The following SPOCK1 variants were observed in gnomAD, a reference collection of about 807,000 sequenced individuals.
SPOCK1 encodes testican-1.
Under a neutral mutation model 55.3 loss-of-function variants are expected in SPOCK1, and 23 were observed. The ratio of observed to expected loss-of-function variants is 0.42; its 90% confidence interval spans 0.30 to 0.59. The LOEUF is 0.59. Ranked by LOEUF, SPOCK1 falls within the 20% of genes least tolerant of loss-of-function variation. SPOCK1 has a pLI of 0.22. For synonymous variants in SPOCK1, 226 were observed against 221.0 expected, an observed-to-expected ratio of 1.02 and a Z score of -0.20; for missense variants, 499 against 552.5, an observed-to-expected ratio of 0.90 and a Z score of 0.97.
At chr5:137,113,993 G>C (rs1037873370) in intron 4 of SPOCK1, among the ~76,000 whole-genome samples, 1 of 152,172 alleles carries the variant, frequency 6.6e-6, no homozygotes. Context: ...CGTTAATTTG[G>C]TTCTTATTCT....
At chr5:137,061,236 A>G (rs996862718) in intron 6 of SPOCK1, among the ~76,000 whole-genome samples, 5 of 152,160 alleles carry the variant, frequency 3.3e-5, no homozygotes, top group Admixed American at 3.3e-4. Context: ...CTGCAGCAGG[A>G]TTCTTTCAGG....
At chr5:137,383,600 G>A (rs1297894284) in intron 2 of SPOCK1, among the ~76,000 whole-genome samples, 1 of 152,228 alleles carries the variant, frequency 6.6e-6, no homozygotes, top group Non-Finnish European at 1.5e-5. Context: ...GCTGCAGTGA[G>A]ATAAACCAAG....
rs1268904039 is a variant in SPOCK1, at chr5:137,122,253, A to ACG, written c.348-9693_348-9692insCG. Among the ~76,000 whole-genome samples the ACG allele has an allele frequency of 4.0e-3, 444 of 112,096 alleles. 1 individual carries two copies. Among genetic ancestry groups the ACG allele is most frequent in the African/African-American group, 0.018 (409 of 23,200 alleles). The allele number at this position is 112,096 out of a possible 152,430, so 73.5% of individuals were successfully genotyped here. On this transcript the variant is annotated intron_variant, in intron 4 of 10. Coordinates refer to ENST00000394945, the MANE Select transcript of SPOCK1 (RefSeq NM_004598.4). ...CAAAAGCAGTTATACACACACACAC[A>ACG]CACGCACACACACACACACACACAC...
intron 2 of SPOCK1, among the ~76,000 whole-genome samples, chr5:137,475,288 A>AC (rs1753814195): frequency 6.6e-6 from 1 of 151,044 alleles, no homozygotes; most frequent in African/African-American, 2.4e-5. Context: ...ATCCAGAAGG[A>AC]CCCCCCTCGC....
intron 2 of SPOCK1, among the ~76,000 whole-genome samples, chr5:137,428,282 A>G (rs1752675797): frequency 6.6e-6 from 1 of 152,212 alleles, no homozygotes; most frequent in African/African-American, 2.4e-5. Flanking sequence ...ACCTTCATTC[A>G]GCCTTTTAAC....
At chr5:137,394,778 G>A (rs1390932492) in intron 2 of SPOCK1, among the ~76,000 whole-genome samples, 1 of 152,194 alleles carries the variant, frequency 6.6e-6, no homozygotes, top group Non-Finnish European at 1.5e-5. Flanking sequence ...AGTGTAATAG[G>A]GTTTTAAGAT....
rs1297925650 is a variant in SPOCK1, at chr5:137,041,393, A to G, written c.589+26322T>C. Reference sequence around the variant, plus strand: ...AAAACATCTAGAAGAAAACATGGGGAAAAAAATCTATGTGATCTTGAGTTT... The same window carrying G: ...AAAACATCTAGAAGAAAACATGGGGGAAAAAATCTATGTGATCTTGAGTTT... On this transcript the variant is annotated intron_variant, in intron 6 of 10. Coordinates refer to ENST00000394945, the MANE Select transcript of SPOCK1 (RefSeq NM_004598.4). Among the ~76,000 whole-genome samples, 12 of 152,312 alleles carry G rather than the reference A, an allele frequency of 7.9e-5. 1 individual carries two copies. In the Middle Eastern group the frequency reaches 0.02, roughly 259 times the overall value.
chr5:137,238,660 A>T (rs1756228988), intron 3 of SPOCK1, among the ~76,000 whole-genome samples: 1 of 152,262 alleles, frequency 6.6e-6, no homozygotes, highest in Non-Finnish European at 1.5e-5. Flanking sequence ...TAATCATTCC[A>T]AAGACACTGA....
intron 6 of SPOCK1, among the ~76,000 whole-genome samples, chr5:136,994,815 G>C (rs1751011734): frequency 6.6e-6 from 1 of 151,892 alleles, no homozygotes; most frequent in African/African-American, 2.4e-5. Context: ...AGACCAGCCT[G>C]GCCAACATGG....
chr5:137,303,438 T>A (rs538605230), intron 2 of SPOCK1, among the ~76,000 whole-genome samples: 1 of 152,124 alleles, frequency 6.6e-6, no homozygotes, highest in Non-Finnish European at 1.5e-5. Context: ...CAGAGCTCAG[T>A]GAAGATAAGT....
intron 5 of SPOCK1, among the ~76,000 whole-genome samples, chr5:137,076,499 C>T (rs1752763888): frequency 6.6e-6 from 1 of 151,292 alleles, no homozygotes; most frequent in Non-Finnish European, 1.5e-5. Context: ...TCAGTGTACT[C>T]AGAACACTCA....
intron 2 of SPOCK1, among the ~76,000 whole-genome samples, chr5:137,383,040 C>T (rs781414070): frequency 2.6e-5 from 4 of 152,148 alleles, no homozygotes; most frequent in Non-Finnish European, 5.9e-5. Context: ...GTACCTCGTG[C>T]CTCAGAAGTA....
chr5:136,999,340 A>C (rs974139089), intron 6 of SPOCK1, among the ~76,000 whole-genome samples: 2 of 152,106 alleles, frequency 1.3e-5, no homozygotes, highest in African/African-American at 4.8e-5. Context: ...TCTTACCTAG[A>C]TGAGTGTCAG....
intron 3 of SPOCK1, among the ~76,000 whole-genome samples, chr5:137,232,163 C>G (rs1479709247): frequency 6.6e-6 from 1 of 152,186 alleles, no homozygotes; most frequent in Non-Finnish European, 1.5e-5. Flanking sequence ...CACTTCTTAA[C>G]AGAGTTTTTC....
intron 5 of SPOCK1, among the ~76,000 whole-genome samples, chr5:137,089,044 T>C (rs1332892583): frequency 6.6e-6 from 1 of 152,002 alleles, no homozygotes; most frequent in Non-Finnish European, 1.5e-5. Context: ...ACTGGGACTA[T>C]TGCAAGGGGG....
At chr5:137,405,458 C>T (rs1378817591) in intron 2 of SPOCK1, among the ~76,000 whole-genome samples, 1 of 152,128 alleles carries the variant, frequency 6.6e-6, no homozygotes, top group East Asian at 1.9e-4. Flanking sequence ...TCCTATTTTC[C>T]AGTCAGAAAC....
At chr5:137,093,735 G>A (rs1006106415) in intron 5 of SPOCK1, among the ~76,000 whole-genome samples, 6 of 152,150 alleles carry the variant, frequency 3.9e-5, no homozygotes, top group Admixed American at 3.3e-4. Flanking sequence ...CAGAGGGAAC[G>A]GGATGTTCAA....
At chr5:137,066,987 C>CACACACAGAGAGAG (rs1343691789) in intron 6 of SPOCK1, among the ~76,000 whole-genome samples, 4 of 139,588 alleles carry the variant, frequency 2.9e-5, no homozygotes, top group Non-Finnish European at 6.2e-5. Flanking sequence ...CACACACACA[C>CACACACAGAGAGAG]AGAGAGAGAG....
chr5:137,494,816 A>G (rs577947758), intron 2 of SPOCK1, among the ~76,000 whole-genome samples: 1 of 152,356 alleles, frequency 6.6e-6, no homozygotes, highest in African/African-American at 2.4e-5. Flanking sequence ...GAATGAAGGT[A>G]CAAATGAACA....
Sources: gnomAD v4.1 joint callset for allele counts (sites outside exome capture counted in the v4.1 genomes callset) on GRCh38, gnomAD v4.1.1 for gene constraint, MANE v1.5 for transcripts, NCBI Gene and HGNC (gene_info 2026-07-23, HGNC 2026-07-21) for gene names.